IL13RA1: variants seen among roughly 807,000 people sequenced by gnomAD.
The protein encoded by IL13RA1 is interleukin-13 receptor subunit alpha-1.
In IL13RA1, 14 loss-of-function variants were observed where a neutral mutation model predicts 33.8. The ratio of observed to expected loss-of-function variants is 0.41; its 90% CI spans 0.27 to 0.65. IL13RA1 has a LOEUF of 0.65. Among genes scored for constraint, IL13RA1 ranks in the 30% least tolerant of loss-of-function variants. The probability of loss-of-function intolerance (pLI) is 0.28; values close to 1 mark genes in which losing one functional copy is unlikely to be tolerated. For synonymous variants in IL13RA1, 116 were observed against 115.7 expected (o/e 1.00, Z -0.02); for missense variants, 313 against 327.0 (o/e 0.96, Z 0.33).
chrX:118,731,980 A>G (rs150649519), intron 1 of IL13RA1, among the ~76,000 whole-genome samples: 139 of 112,255 alleles, frequency 1.2e-3, no homozygotes, highest in Non-Finnish European at 2.2e-3. Context: ...GTTCACATGT[A>G]TTTGTATATA....
chrX:118,745,754 A>G (rs2017397349), intron 2 of IL13RA1, among the ~76,000 whole-genome samples: 1 of 111,837 alleles, frequency 8.9e-6, no homozygotes, highest in Non-Finnish European at 1.9e-5. Flanking sequence ...GTCAGAAGCT[A>G]TTGCAAAACA....
intron 7 of IL13RA1, 101 bp downstream of exon 7, chrX:118,766,678 G>A: frequency 3.4e-6 from 2 of 596,169 alleles, no homozygotes; most frequent in East Asian, 3.4e-5. Context: ...AAATTACGTT[G>A]TTCCGTGAGT....
At chrX:118,749,304 A>G (rs1399131962) in intron 3 of IL13RA1, among the ~76,000 whole-genome samples, 1 of 112,462 alleles carries the variant, frequency 8.9e-6, no homozygotes, top group Non-Finnish European at 1.9e-5. Context: ...ACAGATATAT[A>G]TAAGGGTTGT....
At chrX:118,728,412 T>C (rs1266754328) in intron 1 of IL13RA1, among the ~76,000 whole-genome samples, 2 of 111,848 alleles carry the variant, frequency 1.8e-5, no homozygotes, top group East Asian at 2.8e-4. Flanking sequence ...TATTTTAGGG[T>C]AATTGTAGAT....
chrX:118,752,561 C>T (rs2017482528), intron 4 of IL13RA1, among the ~76,000 whole-genome samples: 1 of 111,762 alleles, frequency 8.9e-6, no homozygotes, highest in Non-Finnish European at 1.9e-5. Context: ...TCTTGTCTCA[C>T]GGCACCTTGC....
intron 1 of IL13RA1, among the ~76,000 whole-genome samples, chrX:118,730,678 A>C (rs2017206920): frequency 8.9e-6 from 1 of 111,800 alleles, no homozygotes; most frequent in Non-Finnish European, 1.9e-5. Flanking sequence ...GGAAGCAAGC[A>C]GGGAGACTTC....
intron 2 of IL13RA1, 21 bp from the exon 3 acceptor site, chrX:118,746,933 T>C (rs773826853): frequency 1.7e-6 from 2 of 1,151,520 alleles, no homozygotes; most frequent in African/African-American, 3.6e-5. Context: ...AGCAATGCCT[T>C]TTTCAATTTT....
intron 10 of IL13RA1, among the ~76,000 whole-genome samples, chrX:118,790,616 T>C (rs2017965168): frequency 8.9e-6 from 1 of 111,993 alleles, no homozygotes; most frequent in East Asian, 2.8e-4. Context: ...CATAGAGATC[T>C]AGTTTCTCTG....
At chrX:118,781,854 A>G (rs1472886128) in intron 10 of IL13RA1, among the ~76,000 whole-genome samples, 1 of 111,645 alleles carries the variant, frequency 9.0e-6, no homozygotes, top group Non-Finnish European at 1.9e-5. Context: ...ATTGACCACT[A>G]TATTTAAGGT....
chrX:118,801,005 A>T, the IL13RA1 span, among the ~76,000 whole-genome samples: 1 of 111,343 alleles, frequency 9.0e-6, no homozygotes, highest in Non-Finnish European at 1.9e-5. Flanking sequence ...GCCCAAGCTG[A>T]TGTTGAACTC....
chrX:118,750,062 G>A (rs1022184154), intron 4 of IL13RA1, among the ~76,000 whole-genome samples: 18 of 111,564 alleles, frequency 1.6e-4, no homozygotes, highest in African/African-American at 5.5e-4. Context: ...TAACTATAGT[G>A]CATTATCAAA....
intron 1 of IL13RA1, among the ~76,000 whole-genome samples, chrX:118,733,946 A>T (rs1177531131): frequency 1.8e-5 from 2 of 111,605 alleles, no homozygotes; most frequent in Admixed American, 1.9e-4. Flanking sequence ...TTATTTCTGG[A>T]CTGTCTATTC....
At chrX:118,795,424 A>G (rs1188438630), downstream of IL13RA1, among the ~76,000 whole-genome samples, 2 of 111,120 alleles carry the variant, frequency 1.8e-5, no homozygotes, top group African/African-American at 6.6e-5. Context: ...ATAGAATCCA[A>G]ACCCTAGGGA....
At chrX:118,741,194 G>T in intron 2 of IL13RA1, 38 bp downstream of exon 2, 1 of 945,393 alleles carries the variant, frequency 1.1e-6, no homozygotes, top group Non-Finnish European at 1.5e-6. Context: ...ATGAGGTAAA[G>T]TGAACACTAT....
At chrX:118,762,956 A>G (rs1235328651) in intron 6 of IL13RA1, among the ~76,000 whole-genome samples, 2 of 111,992 alleles carry the variant, frequency 1.8e-5, no homozygotes, top group African/African-American at 3.2e-5. Context: ...GTTCTCACTT[A>G]TAAGTGGGAG....
intron 2 of IL13RA1, among the ~76,000 whole-genome samples, chrX:118,746,011 A>G (rs150141121): frequency 6.2e-4 from 69 of 112,136 alleles, no homozygotes; most frequent in African/African-American, 2.0e-3. Flanking sequence ...TTTGAAATTT[A>G]TACATATATA....
chrX:118,734,947 G>A (rs1442501627), intron 1 of IL13RA1, among the ~76,000 whole-genome samples: 1 of 111,055 alleles, frequency 9.0e-6, no homozygotes, highest in Non-Finnish European at 1.9e-5. Context: ...TTTGATTACT[G>A]ATTCAATCTC....
chrX:118,799,085 G>C (rs2018049027), downstream of IL13RA1, among the ~76,000 whole-genome samples: 1 of 113,131 alleles, frequency 8.8e-6, no homozygotes, highest in South Asian at 3.5e-4. Context: ...GGGCAATGGG[G>C]GACTTAGCAC....
intron 6 of IL13RA1, among the ~76,000 whole-genome samples, chrX:118,766,234 G>C (rs2017647292): frequency 9.0e-6 from 1 of 111,669 alleles, no homozygotes; most frequent in Admixed American, 9.5e-5. Flanking sequence ...TTATCTAAAA[G>C]CTTGCTATAG....
Sources: allele counts gnomAD v4.1 joint callset (sites outside exome capture counted in the v4.1 genomes callset), GRCh38; gene constraint gnomAD v4.1.1; transcripts MANE v1.5; gene names NCBI Gene and HGNC (gene_info 2026-07-23, HGNC 2026-07-21).